VRK2: variants seen among roughly 807,000 people sequenced by gnomAD.
VRK2 encodes the protein serine/threonine-protein kinase VRK2.
Under a neutral mutation model 57.6 loss-of-function variants are expected in VRK2, and 60 were observed. The ratio of observed to expected loss-of-function variants is 1.04; its 90% CI spans 0.85 to 1.29. The LOEUF (loss-of-function observed/expected upper bound fraction) is 1.29, where lower values mean the gene tolerates loss of function less well. VRK2 is among the 50% of genes most tolerant of loss of function. The pLI is 0.00. For synonymous variants in VRK2, 231 were observed against 199.2 expected, an observed-to-expected ratio of 1.16 and a Z score of -1.35; for missense variants, 705 against 588.1, an observed-to-expected ratio of 1.20 and a Z score of -2.06.
chr2:57,909,811 T>C (rs777594671), intron 1 of VRK2, among the ~76,000 whole-genome samples: 6 of 152,166 alleles, frequency 3.9e-5, no homozygotes, highest in Non-Finnish European at 7.4e-5. Flanking sequence ...AGAATTGATA[T>C]TGCATACTTT....
At chr2:58,035,655 A>G (rs1362894033) in intron 3 of VRK2, among the ~76,000 whole-genome samples, 1 of 152,054 alleles carries the variant, frequency 6.6e-6, no homozygotes, top group Non-Finnish European at 1.5e-5. Flanking sequence ...TATCCAATCA[A>G]TTCAACATTG....
intron 1 of VRK2, among the ~76,000 whole-genome samples, chr2:57,990,757 T>C (rs918289042): frequency 2.0e-5 from 3 of 152,172 alleles, no homozygotes; most frequent in African/African-American, 4.8e-5. Flanking sequence ...TAATACTTCG[T>C]TGTTTAGAAA....
At chr2:58,051,968 ATT>A (rs1675811425) in intron 2 of VRK2, among the ~76,000 whole-genome samples, 1 of 152,246 alleles carries the variant, frequency 6.6e-6, no homozygotes, top group Non-Finnish European at 1.5e-5. Flanking sequence ...AATTGCTGTC[ATT>A]TTAGTATCAA....
chr2:58,111,625 A>T (rs537433356), intron 7 of VRK2, among the ~76,000 whole-genome samples: 1 of 152,272 alleles, frequency 6.6e-6, no homozygotes, highest in South Asian at 2.1e-4. Flanking sequence ...GGGAGTAACT[A>T]TTTATATATT....
intron 1 of VRK2, among the ~76,000 whole-genome samples, chr2:57,960,974 G>T (rs139388355): frequency 1.1e-4 from 17 of 152,288 alleles, no homozygotes; most frequent in African/African-American, 4.1e-4. Context: ...CAACAAATAT[G>T]TACTGAACAG....
At chr2:58,145,989 A>G (rs1038263909) in intron 11 of VRK2, among the ~76,000 whole-genome samples, 1 of 152,060 alleles carries the variant, frequency 6.6e-6, no homozygotes, top group African/African-American at 2.4e-5. Flanking sequence ...TCCATGGTGT[A>G]TATGTGCCAC....
chr2:58,028,895 A>T (rs1257864848), intron 2 of VRK2, among the ~76,000 whole-genome samples: 1 of 57,312 alleles, frequency 1.7e-5, no homozygotes, highest in African/African-American at 7.1e-5. Flanking sequence ...TAAATAAATA[A>T]ATAAATAAAT....
chr2:58,017,006 C>G (rs1024038616), intron 1 of VRK2, among the ~76,000 whole-genome samples: 2 of 152,026 alleles, frequency 1.3e-5, no homozygotes, highest in Non-Finnish European at 2.9e-5. Context: ...ACTTTTAACT[C>G]TTGTCAAAAG....
At chr2:58,128,765 G>C (rs1339848896) in intron 8 of VRK2, among the ~76,000 whole-genome samples, 3 of 152,148 alleles carry the variant, frequency 2.0e-5, no homozygotes, top group Non-Finnish European at 4.4e-5. Context: ...ATTGTTACTT[G>C]TCAATAGGGC....
chr2:57,927,071 A>G (rs548440906), intron 1 of VRK2, among the ~76,000 whole-genome samples: 1 of 149,420 alleles, frequency 6.7e-6, no homozygotes, highest in African/African-American at 2.5e-5. Context: ...GCTTCTGAAT[A>G]ATATCTTATA....
intron 1 of VRK2, among the ~76,000 whole-genome samples, chr2:57,965,908 G>GT (rs779872115): frequency 1.3e-5 from 2 of 152,130 alleles, no homozygotes; most frequent in African/African-American, 2.4e-5. Context: ...TTACATATAT[G>GT]TATTATTGTT....
intron 2 of VRK2, among the ~76,000 whole-genome samples, chr2:58,082,147 A>G (rs1558610497): frequency 6.6e-6 from 1 of 151,686 alleles, no homozygotes; most frequent in Non-Finnish European, 1.5e-5. Context: ...GACCGTAGAG[A>G]TTTTCAGGTA....
chr2:57,913,319 G>A (rs1020675933), intron 1 of VRK2, among the ~76,000 whole-genome samples: 10 of 152,130 alleles, frequency 6.6e-5, no homozygotes, highest in Non-Finnish European at 1.2e-4. Flanking sequence ...TAGGGATTAC[G>A]TAAAGGTTAA....
chr2:58,082,889 G>A (rs1671090315), intron 2 of VRK2, among the ~76,000 whole-genome samples: 1 of 151,656 alleles, frequency 6.6e-6, no homozygotes, highest in Admixed American at 6.6e-5. Flanking sequence ...AAAAAATTGT[G>A]TATGATTGGC....
chr2:58,125,510 T>G (rs1242796215), intron 8 of VRK2, among the ~76,000 whole-genome samples: 1 of 152,076 alleles, frequency 6.6e-6, no homozygotes, highest in Non-Finnish European at 1.5e-5. Context: ...AAAGATGGTG[T>G]TACATCCCTG....
intron 1 of VRK2, among the ~76,000 whole-genome samples, chr2:57,939,785 ATTAGGTAGAACAC>A (rs1273807571): frequency 8.5e-5 from 13 of 152,210 alleles, no homozygotes; most frequent in Non-Finnish European, 1.8e-4. Context: ...CTTGCTTGAA[ATTAGGTAGAACAC>A]TTAGTTCTTA....
In VRK2 at chr2:58,094,272, T is replaced by C. The variant is rs2104281676; in HGVS notation, c.543+4549T>C. On this transcript the variant is annotated intron_variant, in intron 7 of 12. Transcript: ENST00000340157. Reference sequence around the variant, plus strand: ...ACCTTGGGCAGTATGGCCATTCTGATGATATTGATTCTTCCTATCCATGAG... The same window carrying C: ...ACCTTGGGCAGTATGGCCATTCTGACGATATTGATTCTTCCTATCCATGAG... Among the ~76,000 whole-genome samples, 3 of 152,274 alleles carry C rather than the reference T, an allele frequency of 2.0e-5. No individual in the cohort carries two copies. In the East Asian group the frequency reaches 5.8e-4, roughly 29 times the overall value.
At chr2:57,914,002 A>C (rs1426038501) in intron 1 of VRK2, among the ~76,000 whole-genome samples, 1 of 152,098 alleles carries the variant, frequency 6.6e-6, no homozygotes, top group Non-Finnish European at 1.5e-5. Context: ...TCTTAAGTCA[A>C]ACACAAAATT....
At position 58,082,737 on chromosome 2, in the gene VRK2, A is replaced by T. The variant is rs912979129; in HGVS notation, c.137-1352A>T. Among the ~76,000 whole-genome samples, 12 of 151,990 alleles carry T rather than the reference A, an allele frequency of 7.9e-5. No individual in the cohort carries two copies. In the East Asian group the frequency reaches 2.3e-3, roughly 29 times the overall value. On this transcript the variant is annotated intron_variant, in intron 2 of 12. Transcript: ENST00000340157. ...TAACATGAATGAAGGCGAAAAGATAATTTTAAGTGCTATAAGTAAGTTTAG... is the reference window on the plus strand; with the variant it reads ...TAACATGAATGAAGGCGAAAAGATATTTTTAAGTGCTATAAGTAAGTTTAG...
Sources: allele counts gnomAD v4.1 joint callset (sites outside exome capture counted in the v4.1 genomes callset), GRCh38; gene constraint gnomAD v4.1.1; transcripts MANE v1.5; gene names NCBI Gene and HGNC (gene_info 2026-07-23, HGNC 2026-07-21).